Variants in PARVG observed in about 807,000 individuals in gnomAD.
PARVG encodes parvin gamma, also known as gamma-parvin.
Under a neutral mutation model 44.4 loss-of-function variants are expected in PARVG, and 36 were observed. The ratio of observed to expected loss-of-function variants is 0.81; its 90% CI spans 0.62 to 1.07. The LOEUF (loss-of-function observed/expected upper bound fraction) is 1.07. PARVG is among the 50% of genes least tolerant of loss of function. PARVG has a pLI of 0.00. For missense variants in PARVG, 407 were observed against 407.4 expected (o/e 1.00, Z 0.01); for synonymous variants, 170 against 174.1 (o/e 0.98, Z 0.19).
intron 12 of PARVG, among the ~76,000 whole-genome samples, chr22:44,199,691 C>T (rs905686018): frequency 3.9e-5 from 6 of 152,176 alleles, no homozygotes; most frequent in Non-Finnish European, 8.8e-5. Flanking sequence ...TCAGGAAGGG[C>T]ATTGCATCAG....
intron 5 of PARVG, 181 bp from the exon 6 acceptor site, chr22:44,188,931 CTG>C: frequency 7.2e-6 from 5 of 698,970 alleles, no homozygotes; most frequent in South Asian, 1.9e-5. Context: ...TGAGGGTCTC[CTG>C]GAAGCTGGAG....
Position 44,206,777 on chromosome 22 carries a change from G to T in PARVG, c.*351G>T. 1 of 289,344 alleles carries T rather than the reference G, an allele frequency of 3.5e-6. No individual in the cohort carries two copies. Among genetic ancestry groups the T allele is most frequent in the South Asian group, 3.3e-5 (1 of 29,932 alleles). The allele number at this position is 289,344 out of a possible 1,614,324, so 17.9% of individuals were successfully genotyped here. The stretch of plus-strand genomic sequence containing the variant: ...CCCAGGCTAGTGACCGCCCAGAGAG[G>T]TGGCATCACTCAGGGCTGGGGACTC... On this transcript the variant is annotated 3_prime_UTR_variant, in exon 14 of 14. Coordinates refer to ENST00000444313, the MANE Select transcript of PARVG (RefSeq NM_022141.7).
chr22:44,178,521 C>T (rs995770490), upstream of PARVG, among the ~76,000 whole-genome samples: 7 of 152,128 alleles, frequency 4.6e-5, no homozygotes, highest in Non-Finnish European at 7.3e-5. Flanking sequence ...AAATTCAGCA[C>T]GCGACGACAT....
At chr22:44,205,852 C>A in intron 13 of PARVG, 23 bp downstream of exon 13, 1 of 1,609,974 alleles carries the variant, frequency 6.2e-7, no homozygotes. Context: ...CAGATGCCCA[C>A]ACGGTGGCCA....
Position 44,187,791 on chromosome 22 carries a change from A to T in PARVG, c.160A>T (p.Ile54Phe), listed in dbSNP as rs2054494048. 1.9e-6 allele frequency: 3 copies of T among 1,614,220 alleles called. No homozygotes were observed. Among genetic ancestry groups the T allele is most frequent in the Non-Finnish European group, 2.5e-6 (3 of 1,180,030 alleles). ...GAGCCTGCAGGTGTTGATGGAGTGGATCAATGCCACTCTTCTCCCCGAGCA... is the reference window on the plus strand; with the variant it reads ...GAGCCTGCAGGTGTTGATGGAGTGGTTCAATGCCACTCTTCTCCCCGAGCA... The part of the protein sequence containing the change: ...EELQKVLMEW[I>F]NATLLPEHIV... Residue 54 changes from isoleucine to phenylalanine, a missense_variant, in exon 5 of 14, where the codon ATC (isoleucine) becomes TTC (phenylalanine). Transcript: ENST00000444313.
chr22:44,187,452 C>G (rs2054489367), intron 4 of PARVG: 1 of 402,554 alleles, frequency 2.5e-6, no homozygotes, highest in African/African-American at 2.0e-5. Context: ...TTGTCCAATT[C>G]TTTCCATTCC....
intron 4 of PARVG, chr22:44,187,215 G>A (rs1248045652): frequency 5.8e-6 from 1 of 172,204 alleles, no homozygotes; most frequent in Non-Finnish European, 1.3e-5. Flanking sequence ...GCTCCTTCTG[G>A]AGGCTCTCAG....
intron 5 of PARVG, chr22:44,188,729 G>T: frequency 4.5e-6 from 1 of 223,254 alleles, no homozygotes; most frequent in African/African-American, 2.2e-5. Flanking sequence ...CAGGATAGAA[G>T]CCTAGGAGTG....
At chr22:44,176,005 T>A (rs1486911297), upstream of PARVG, among the ~76,000 whole-genome samples, 1 of 152,206 alleles carries the variant, frequency 6.6e-6, no homozygotes, top group African/African-American at 2.4e-5. Flanking sequence ...TGTGGATGTT[T>A]GGTGTGTTTT....
rs2054387657 is a variant in PARVG, at chr22:44,182,005, T to G, written c.-13+88T>G. 2.1e-6 allele frequency: 2 copies of G among 970,452 alleles called. No individual in the cohort carries two copies. Among genetic ancestry groups the G allele is most frequent in the Non-Finnish European group, 2.5e-6 (2 of 816,270 alleles). The allele number at this position is 970,452 out of a possible 1,614,324, so 60.1% of individuals were successfully genotyped here. The stretch of plus-strand genomic sequence containing the variant: ...ACACCACCTGGGAAGGATCCCAGAG[T>G]GCAGTCCCAGCCCAGGCCACCCGGG... On this transcript the variant is annotated intron_variant, in intron 2 of 13. Transcript: ENST00000444313. This position sits in a 1 kb window ranked among gnomAD's most constrained non-coding sequence, Gnocchi z 4.6.
chr22:44,175,683 G>A (rs1339758483), intron 1 of PARVG, among the ~76,000 whole-genome samples: 3 of 152,038 alleles, frequency 2.0e-5, no homozygotes, highest in African/African-American at 7.2e-5. Context: ...GGCGTTGGGT[G>A]TGGGGGGGTG....
chr22:44,185,771 G>T (rs2054456547), intron 3 of PARVG, 37 bp from the exon 4 acceptor site: 1 of 1,582,580 alleles, frequency 6.3e-7, no homozygotes, highest in African/African-American at 1.4e-5. Context: ...CGCCCCACAG[G>T]GTCCCCATGC....
chr22:44,175,542 C>T (rs547633759), intron 1 of PARVG, among the ~76,000 whole-genome samples: 1 of 152,356 alleles, frequency 6.6e-6, no homozygotes, highest in East Asian at 1.9e-4. Context: ...TGATTTAATA[C>T]ACCATCATCA....
chr22:44,183,295 C>G, intron 2 of PARVG, 23 bp from the exon 3 acceptor site: 1 of 1,584,794 alleles, frequency 6.3e-7, no homozygotes, highest in South Asian at 1.2e-5. Flanking sequence ...ACCGTGACGC[C>G]CTCTCCTGCC....
intron 5 of PARVG, 133 bp from the exon 6 acceptor site, chr22:44,188,981 C>G: frequency 8.1e-7 from 1 of 1,228,134 alleles, no homozygotes; most frequent in Non-Finnish European, 1.1e-6. Flanking sequence ...GGCCCACGGT[C>G]CAACACCAAG....
At chr22:44,205,392 C>T (rs149842430) in intron 12 of PARVG, among the ~76,000 whole-genome samples, 15 of 152,338 alleles carry the variant, frequency 9.8e-5, no homozygotes, top group Non-Finnish European at 1.8e-4. Context: ...GGACTCACCA[C>T]CAGGCTTCAC....
chr22:44,198,536 C>T (rs2054648146), intron 11 of PARVG, 85 bp from the exon 12 acceptor site: 1 of 1,020,636 alleles, frequency 9.8e-7, no homozygotes, highest in East Asian at 2.4e-5. Context: ...TGTATGACTT[C>T]CTTAGGGCCA....
chr22:44,205,131 C>T (rs1463924094), intron 12 of PARVG, among the ~76,000 whole-genome samples: 2 of 152,202 alleles, frequency 1.3e-5, no homozygotes. Flanking sequence ...GACTGCACCC[C>T]AGGCAAGGGG....
intron 2 of PARVG, 25 bp from the exon 3 acceptor site, chr22:44,183,293 G>T: frequency 1.3e-6 from 2 of 1,581,324 alleles, no homozygotes; most frequent in Non-Finnish European, 8.6e-7. Context: ...AGACCGTGAC[G>T]CCCTCTCCTG....
Sources: gnomAD v4.1 joint callset for allele counts (sites outside exome capture counted in the v4.1 genomes callset) on GRCh38, gnomAD v4.1.1 for gene constraint, Gnocchi (gnomAD v3.1) non-coding constraint, MANE v1.5 for transcripts, NCBI Gene and HGNC (gene_info 2026-07-23, HGNC 2026-07-21) for gene names.